Variants in ZP1 observed in about 807,000 individuals in gnomAD.
ZP1 encodes the protein zona pellucida sperm-binding protein 1.
ZP1 carries 58 observed loss-of-function variants against 67.4 expected under a neutral mutation model. The observed-to-expected ratio is 0.86, with a 90% CI of 0.70 to 1.07. The LOEUF is 1.07. Ranked by LOEUF, ZP1 falls within the 50% of genes least tolerant of loss-of-function variation. The pLI is 0.00. For missense variants in ZP1, 759 were observed against 807.3 expected (o/e 0.94, Z 0.72); for synonymous variants, 333 against 332.7 (o/e 1.00, Z -0.01).
Position 60,873,423 on chromosome 11 carries a change from G to C in ZP1, c.1289G>C (p.Arg430Thr). 6.2e-7 allele frequency: 1 copy of C among 1,612,742 alleles called. No homozygotes were observed. Among genetic ancestry groups the C allele is most frequent in the Non-Finnish European group, 8.5e-7 (1 of 1,178,906 alleles). The change falls in exon 8 of 12, where the codon AGG becomes ACG. Residue 430 changes from arginine (R) to threonine (T), a missense_variant. By Grantham distance (71) the Arg-to-Thr change is moderately conservative. Transcript: ENST00000278853. The part of the protein sequence containing the change: ...YYGEDDYPIV[R>T]LLREPVHVEV... ...GGGGAGGATGACTATCCCATCGTGA[G>C]GCTGCTCCGAGAACCAGTCCATGTG...
chr11:60,869,552 C>G lies in ZP1; in HGVS notation c.334C>G (p.Leu112Val). 1 of 1,608,450 alleles carries G rather than the reference C, an allele frequency of 6.2e-7. No individual in the cohort carries two copies. The highest frequency in any genetic ancestry group is 8.5e-7 in the Non-Finnish European group (1 of 1,176,256). Reference protein sequence around the residue: ...HVLEKDGRFHLRVFMEAVLPN... With the variant: ...HVLEKDGRFHVRVFMEAVLPN... ...TCACCTGCAGGATGGGCGTTTCCAC[C>G]TGAGGGTGTTCATGGAGGCTGTGCT... The change falls in exon 3 of 12, where the codon CTG becomes GTG. Residue 112 changes from leucine (L) to valine (V), a missense_variant. Physicochemically the swap from Leu to Val is conservative, Grantham distance 32 (BLOSUM62 1). Coordinates refer to ENST00000278853, the MANE Select transcript of ZP1 (RefSeq NM_207341.4).
chr11:60,871,387 G>A (rs909801730), intron 6 of ZP1, 73 bp downstream of exon 6: 36 of 1,512,478 alleles, frequency 2.4e-5, no homozygotes, highest in Non-Finnish European at 3.0e-5. Flanking sequence ...CTCAGTACAG[G>A]CTTCGGAGCC....
At chr11:60,867,925 AC>A (rs1446692628) in intron 1 of ZP1, among the ~76,000 whole-genome samples, 168 bp downstream of exon 1, 1 of 151,628 alleles carries the variant, frequency 6.6e-6, no homozygotes, top group Non-Finnish European at 1.5e-5. Flanking sequence ...GAGAATCATC[AC>A]CCAGGGCAGC....
chr11:60,873,211 G>A lies in ZP1; in HGVS notation c.1162G>A (p.Ala388Thr), dbSNP rs1229782097. The A allele has an allele frequency of 6.2e-7, 1 of 1,607,756 alleles. No homozygotes were observed. The highest frequency in any genetic ancestry group is 8.5e-7 in the Non-Finnish European group (1 of 1,176,758). The part of the protein sequence containing the change: ...FNASDFLPIQ[A>T]SIFPPPSPAP... ...CGCCAGTGACTTCCTGCCCATTCAG[G>A]CATCCATTTTCCCACCCCCATCGCC... Residue 388 changes from alanine to threonine, a missense_variant, in exon 7 of 12, where the codon GCA becomes ACA. Physicochemically the swap from Ala to Thr is moderately conservative, Grantham distance 58 (BLOSUM62 0). Coordinates refer to ENST00000278853, the MANE Select transcript of ZP1 (RefSeq NM_207341.4).
At position 60,873,664 on chromosome 11, in the gene ZP1, C is replaced by A. The variant is rs550197240; in HGVS notation, c.1461C>A (p.Thr487=). Residue 487 remains threonine (T), a synonymous_variant, in exon 9 of 12, where the codon ACC becomes ACA. Coordinates refer to ENST00000278853, the MANE Select transcript of ZP1 (RefSeq NM_207341.4). ...CTTTCAAGGGCGACAGCTACAGAACCCAAATGGTAGCCTTGGACGGGGCCA... is the reference window on the plus strand; with the variant it reads ...CTTTCAAGGGCGACAGCTACAGAACACAAATGGTAGCCTTGGACGGGGCCA... ...GCPFKGDSYR[T]QMVALDGATP... The A allele has an allele frequency of 3.1e-6, 5 of 1,614,088 alleles. No homozygotes were observed. The highest frequency in any genetic ancestry group is 4.2e-6 in the Non-Finnish European group (5 of 1,180,052).
At position 60,875,647 on chromosome 11, in the gene ZP1, C is replaced by G; in HGVS notation, c.1908C>G (p.Asn636Lys). ...QTWAQKLWES[N>K]RQ The stretch of plus-strand genomic sequence containing the variant: ...GGGCCCAGAAGCTCTGGGAAAGCAA[C>G]AGACAGTGAATGGGCCCAATAAACA... The change falls in exon 12 of 12, where the codon AAC becomes AAG. Residue 636 changes from asparagine (N) to lysine (K), a missense_variant. Transcript: ENST00000278853. 1.2e-6 allele frequency: 2 copies of G among 1,613,902 alleles called. No individual in the cohort carries two copies.
intron 6 of ZP1, among the ~76,000 whole-genome samples, chr11:60,872,581 C>T (rs1855594773): frequency 6.6e-6 from 1 of 152,188 alleles, no homozygotes; most frequent in African/African-American, 2.4e-5. Flanking sequence ...TGTGGCAAAC[C>T]AGCTGCAACT....
Position 60,867,548 on chromosome 11 carries a change from GT to G in ZP1, c.-13del, listed in dbSNP as rs750952627. 2 of 1,603,368 alleles carry G rather than the reference GT, an allele frequency of 1.2e-6. No homozygotes were observed. Among genetic ancestry groups the G allele is most frequent in the South Asian group, 2.2e-5 (2 of 90,134 alleles). ...CTGGTGGCGAGGGAGTAGGGGGTGT[GT>G]CTGTGGCGTCTCATGGCAGGAGGCT... On this transcript the variant is annotated 5_prime_UTR_variant, in exon 1 of 12. Transcript: ENST00000278853.
chr11:60,869,020 C>A, intron 1 of ZP1, 125 bp from the exon 2 acceptor site: 1 of 1,173,734 alleles, frequency 8.5e-7, no homozygotes, highest in Non-Finnish European at 1.2e-6. Flanking sequence ...ACACAACAAA[C>A]TAATAGCAAA....
intron 9 of ZP1, among the ~76,000 whole-genome samples, 195 bp downstream of exon 9, chr11:60,873,970 A>G (rs1021300132): frequency 1.3e-5 from 2 of 152,224 alleles, no homozygotes. Flanking sequence ...AGGAGGAAGG[A>G]AAATGCTGCC....
At position 60,873,007 on chromosome 11, in the gene ZP1, C is replaced by A. The variant is rs2072098; in HGVS notation, c.1113-155C>A. 0.37 allele frequency: 307,537 copies of A among 830,234 alleles called. 59,313 individuals carry two copies. Among genetic ancestry groups the A allele is most frequent in the Admixed American group, 0.41 (15,289 of 37,550 alleles). 51.4% of individuals were successfully genotyped at this position (830,234 alleles called of 1,614,324 possible). On this transcript the variant is annotated intron_variant, in intron 6 of 11. Transcript: ENST00000278853. ...GGCAGGGTGAGCTTCCTGAGCCTGC[C>A]TTGGAAATGCTGAGTATTGCTTAAG...
At chr11:60,875,314 A>C (rs1855682174) in intron 11 of ZP1, 66 bp downstream of exon 11, 2 of 1,558,680 alleles carry the variant, frequency 1.3e-6, no homozygotes, top group South Asian at 2.4e-5. Context: ...TTGTGCTGAC[A>C]AAACAGGGAT....
chr11:60,869,478 C>G (rs1855525400), intron 2 of ZP1, 59 bp from the exon 3 acceptor site: 2 of 1,550,584 alleles, frequency 1.3e-6, no homozygotes, highest in East Asian at 4.5e-5. Flanking sequence ...GGCCCGTCCC[C>G]TGCCTGGGTA....
Position 60,870,492 on chromosome 11 carries a change from C to A in ZP1, c.826+17C>A. The A allele has an allele frequency of 6.3e-7, 1 of 1,589,488 alleles. No individual in the cohort carries two copies. Among genetic ancestry groups the A allele is most frequent in the Non-Finnish European group, 8.6e-7 (1 of 1,166,654 alleles). ...GCAACACAGGTACAACCTCCCACCC[C>A]AGCAAGATCCTGGTCCCTTGGATTC... On this transcript the variant is annotated intron_variant, in intron 4 of 11. Transcript: ENST00000278853.
rs772750228 is a variant in ZP1 at position 60,875,671 on chromosome 11, C to T, written c.*15C>T. 2 of 1,612,606 alleles carry T rather than the reference C, an allele frequency of 1.2e-6. No homozygotes were observed. The highest frequency in any genetic ancestry group is 2.2e-5 in the East Asian group (1 of 44,878). ...ACAGACAGTGAATGGGCCCAATAAA[C>T]AATCATTTCAAACCTACTGAAACCA... On this transcript the variant is annotated 3_prime_UTR_variant, in exon 12 of 12. Coordinates refer to ENST00000278853, the MANE Select transcript of ZP1 (RefSeq NM_207341.4).
intron 6 of ZP1, 110 bp downstream of exon 6, chr11:60,871,424 G>A: frequency 2.5e-6 from 3 of 1,215,120 alleles, no homozygotes; most frequent in Non-Finnish European, 3.5e-6. Flanking sequence ...AGGCTCTGCT[G>A]TTACCCGGCT....
rs764256632 is a variant in ZP1, at chr11:60,871,154, G to A, written c.1014+10G>A. ...TGGAACCACAATGCAGGTAGGAGCCGGGACCACAGGCTGGGGCCTGGTCCC... is the reference window on the plus strand; with the variant it reads ...TGGAACCACAATGCAGGTAGGAGCCAGGACCACAGGCTGGGGCCTGGTCCC... On this transcript the variant is annotated intron_variant, in intron 5 of 11. Coordinates refer to ENST00000278853, the MANE Select transcript of ZP1 (RefSeq NM_207341.4). The A allele has an allele frequency of 3.0e-5, 48 of 1,613,702 alleles. No homozygotes were observed. The highest frequency in any genetic ancestry group is 1.8e-4 in the East Asian group (8 of 44,898).
At position 60,875,551 on chromosome 11, in the gene ZP1, GGCGGTCCTTTT is replaced by G. The variant is rs781060399; in HGVS notation, c.1815_1825del (p.Val606AlafsTer?). 7 of 1,614,080 alleles carry G rather than the reference GGCGGTCCTTTT, an allele frequency of 4.3e-6. No individual in the cohort carries two copies. The highest frequency in any genetic ancestry group is 3.3e-4 in the Middle Eastern group (2 of 6,060). On this transcript the variant is annotated frameshift_variant, in exon 12 of 12. Coordinates refer to ENST00000278853, the MANE Select transcript of ZP1 (RefSeq NM_207341.4). LOFTEE classifies it low-confidence loss of function (END_TRUNC). ...ACTCCAGCCTGAGACCTCTCCTTTG[GGCGGTCCTTTT>G]GCTGCCAGCTGTTGCCCTGGTCCTT... is the stretch of plus-strand genomic sequence containing the variant.
At position 60,873,239 on chromosome 11, in the gene ZP1, C is replaced by T. The variant is rs1054157627; in HGVS notation, c.1190C>T (p.Ala397Val). 6.2e-7 allele frequency: 1 copy of T among 1,606,172 alleles called. No individual in the cohort carries two copies. The highest frequency in any genetic ancestry group is 8.5e-7 in the Non-Finnish European group (1 of 1,175,592). ...QASIFPPPSP[A>V]PMTQPGPLRL... ...TCCATTTTCCCACCCCCATCGCCTG[C>T]TCCTATGACCCAGCCCGGCCCCCTG... Residue 397 changes from alanine to valine, a missense_variant, in exon 7 of 12, where the codon GCT (alanine) becomes GTT (valine). Physicochemically the swap from Ala to Val is moderately conservative, Grantham distance 64 (BLOSUM62 0). Coordinates refer to ENST00000278853, the MANE Select transcript of ZP1 (RefSeq NM_207341.4).
Sources: allele counts gnomAD v4.1 joint callset (sites outside exome capture counted in the v4.1 genomes callset), GRCh38; gene constraint gnomAD v4.1.1; transcripts MANE v1.5; gene names NCBI Gene and HGNC (gene_info 2026-07-23, HGNC 2026-07-21).